The following NCK2 variants were observed in gnomAD, a reference collection of about 807,000 sequenced individuals.
The protein encoded by NCK2 is NCK adaptor protein 2.
In NCK2, 16 loss-of-function variants were observed where a neutral mutation model predicts 33.9. The observed-to-expected ratio is 0.47, with a 90% CI of 0.32 to 0.72. The LOEUF (loss-of-function observed/expected upper bound fraction) is 0.72. Among genes scored for constraint, NCK2 ranks in the 30% least tolerant of loss-of-function variants. NCK2 has a pLI of 0.03. For missense variants in NCK2, 418 were observed against 537.3 expected (o/e 0.78, Z 2.19); for synonymous variants, 273 against 239.9 (o/e 1.14, Z -1.27).
chr2:105,775,014 A>G (rs1022889414), intron 1 of NCK2, among the ~76,000 whole-genome samples: 4 of 152,186 alleles, frequency 2.6e-5, no homozygotes, highest in African/African-American at 9.7e-5. Flanking sequence ...CCCTGTCTCT[A>G]CAATGATAAT....
intron 2 of NCK2, among the ~76,000 whole-genome samples, chr2:105,826,031 T>C (rs145992316): frequency 4.0e-4 from 61 of 152,322 alleles, no homozygotes; most frequent in African/African-American, 1.4e-3. Flanking sequence ...AGGCTGATAC[T>C]GTGTATTAGT....
chr2:105,806,043 G>A (rs1161846463), intron 1 of NCK2, among the ~76,000 whole-genome samples: 1 of 151,898 alleles, frequency 6.6e-6, no homozygotes, highest in Non-Finnish European at 1.5e-5. Context: ...TTGTGTGCCT[G>A]CGTTTTGACT....
At chr2:105,882,106 G>A (rs1678528325) in intron 4 of NCK2, 57 bp downstream of exon 4, 1 of 1,447,798 alleles carries the variant, frequency 6.9e-7, no homozygotes, top group South Asian at 1.6e-5. Flanking sequence ...CTTGCGCGGT[G>A]GGTCTGTGTG....
At chr2:105,878,257 G>A (rs1678316371) in intron 3 of NCK2, among the ~76,000 whole-genome samples, 1 of 152,240 alleles carries the variant, frequency 6.6e-6, no homozygotes, top group African/African-American at 2.4e-5. Flanking sequence ...GAACGCTGGT[G>A]CCTGTCATGG....
chr2:105,779,221 C>T (rs551346536), intron 1 of NCK2, among the ~76,000 whole-genome samples: 2 of 149,420 alleles, frequency 1.3e-5, no homozygotes, highest in Non-Finnish European at 3.0e-5. Context: ...GCATGAGAAT[C>T]GCTAGAAACT....
At chr2:105,744,767 T>C (rs1689202885), upstream of NCK2, 1 of 149,508 alleles carries the variant, frequency 6.7e-6, no homozygotes, top group South Asian at 1.9e-4. Context: ...CGCCCGGGCC[T>C]GGGCCGGCCC....
chr2:105,845,967 G>A (rs1314578379), intron 2 of NCK2, among the ~76,000 whole-genome samples: 1 of 152,148 alleles, frequency 6.6e-6, no homozygotes, highest in African/African-American at 2.4e-5. Flanking sequence ...TTCTGGCTTG[G>A]CAGAAGGCAG....
chr2:105,796,461 G>A (rs1691084907), intron 1 of NCK2, among the ~76,000 whole-genome samples: 1 of 152,186 alleles, frequency 6.6e-6, no homozygotes, highest in Non-Finnish European at 1.5e-5. Flanking sequence ...ATGTAAATAT[G>A]GATGAATGGG....
intron 1 of NCK2, among the ~76,000 whole-genome samples, chr2:105,748,570 T>TTTTTTATTTTTA (rs930794085): frequency 4.6e-5 from 7 of 152,068 alleles, no homozygotes; most frequent in African/African-American, 1.4e-4. Flanking sequence ...CTCAGTGAAT[T>TTTTTTATTTTTA]TTTTTATTTT....
At chr2:105,792,318 C>G (rs1378221429) in intron 1 of NCK2, among the ~76,000 whole-genome samples, 2 of 152,170 alleles carry the variant, frequency 1.3e-5, no homozygotes, top group Admixed American at 6.5e-5. Flanking sequence ...AAGGTAGAAT[C>G]AGAATAAATT....
chr2:105,745,918 T>G (rs1237391452), intron 1 of NCK2: 1 of 152,232 alleles, frequency 6.6e-6, no homozygotes, highest in African/African-American at 2.4e-5. Context: ...GGTAACTGCC[T>G]TATGAGCACA....
At chr2:105,798,734 A>G (rs1558842393) in intron 1 of NCK2, among the ~76,000 whole-genome samples, 2 of 152,226 alleles carry the variant, frequency 1.3e-5, no homozygotes, top group Non-Finnish European at 2.9e-5. Flanking sequence ...GTCTATTTTG[A>G]AGCAGATGAA....
At chr2:105,829,873 T>C (rs1676099130) in intron 2 of NCK2, among the ~76,000 whole-genome samples, 1 of 152,152 alleles carries the variant, frequency 6.6e-6, no homozygotes, top group South Asian at 2.1e-4. Context: ...GAGTTATTCT[T>C]CCAACAAGAT....
intron 1 of NCK2, among the ~76,000 whole-genome samples, chr2:105,800,912 G>C (rs1674806493): frequency 6.6e-6 from 1 of 152,208 alleles, no homozygotes; most frequent in Non-Finnish European, 1.5e-5. Context: ...TGTCCAGGTG[G>C]TTGGCAGAAG....
chr2:105,792,066 G>A (rs1266459903), intron 1 of NCK2, among the ~76,000 whole-genome samples: 1 of 152,156 alleles, frequency 6.6e-6, no homozygotes, highest in Non-Finnish European at 1.5e-5. Flanking sequence ...CGCTTCCCCA[G>A]TCCTGCCTTG....
At chr2:105,865,828 T>C (rs1677728835) in intron 3 of NCK2, among the ~76,000 whole-genome samples, 1 of 152,158 alleles carries the variant, frequency 6.6e-6, no homozygotes, top group Non-Finnish European at 1.5e-5. Flanking sequence ...CAGATATTCC[T>C]CAGAATCATA....
At chr2:105,871,684 G>A (rs375508358) in intron 3 of NCK2, among the ~76,000 whole-genome samples, 2 of 152,000 alleles carry the variant, frequency 1.3e-5, no homozygotes, top group African/African-American at 4.8e-5. Context: ...TAGTAGAGAC[G>A]GGGTTTCACC....
At chr2:105,793,725 C>T (rs561013416) in intron 1 of NCK2, among the ~76,000 whole-genome samples, 2 of 152,334 alleles carry the variant, frequency 1.3e-5, no homozygotes, top group South Asian at 2.1e-4. Context: ...CCTTGGCCAG[C>T]GAAAGCTGCC....
intron 2 of NCK2, chr2:105,851,823 G>A (rs1193750293): frequency 1.3e-5 from 2 of 152,294 alleles, no homozygotes; most frequent in Non-Finnish European, 2.9e-5. Flanking sequence ...TCTGATATGA[G>A]GTGGTGGTGA....
Sources: allele counts gnomAD v4.1 joint callset (sites outside exome capture counted in the v4.1 genomes callset), GRCh38; gene constraint gnomAD v4.1.1; transcripts MANE v1.5; gene names NCBI Gene and HGNC (gene_info 2026-07-23, HGNC 2026-07-21).